The following LRRIQ3 variants were observed in gnomAD, a reference collection of about 807,000 sequenced individuals.
LRRIQ3 encodes the protein leucine rich repeats and IQ motif containing 3.
A neutral mutation model predicts 59.3 loss-of-function variants in LRRIQ3; 75 were observed. The observed-to-expected ratio is 1.26, with a 90% CI of 1.05 to 1.53. LRRIQ3 has a LOEUF of 1.53. LRRIQ3 is among the 40% of genes most tolerant of loss of function. The probability of loss-of-function intolerance (pLI) is 0.00; values close to 1 mark genes in which losing one functional copy is unlikely to be tolerated. For missense variants in LRRIQ3, 831 were observed against 710.0 expected (o/e 1.17, Z -1.94); for synonymous variants, 250 against 231.3 (o/e 1.08, Z -0.73).
chr1:74,044,824 C>T (rs746964970), intron 6 of LRRIQ3, among the ~76,000 whole-genome samples: 21 of 152,030 alleles, frequency 1.4e-4, no homozygotes, highest in Non-Finnish European at 2.2e-4. Context: ...TCAGAGAATA[C>T]GATAAACACC....
Position 74,183,659 on chromosome 1 carries a change from T to C in LRRIQ3, c.26A>G (p.Glu9Gly). 1 of 1,603,206 alleles carries C rather than the reference T, an allele frequency of 6.2e-7. No homozygotes were observed. The highest frequency in any genetic ancestry group is 8.5e-7 in the Non-Finnish European group (1 of 1,175,044). Residue 9 changes from glutamate (E) to glycine (G), a missense_variant, in exon 2 of 8, where the codon GAG (glutamate) becomes GGG (glycine). By Grantham distance (98) the Glu-to-Gly change is moderately conservative. Coordinates refer to ENST00000354431, the MANE Select transcript of LRRIQ3 (RefSeq NM_001105659.2). MFHGTVTE[E>G]LTSHEEWSHY... ...ACTCCATTCTTCATGACTGGTTAGC[T>C]CTTCTGTGACTGTTCCATGAAACAT...
chr1:74,124,898 T>C (rs1646913631), intron 4 of LRRIQ3, among the ~76,000 whole-genome samples: 1 of 151,914 alleles, frequency 6.6e-6, no homozygotes, highest in African/African-American at 2.4e-5. Context: ...CTGTGAAGAA[T>C]GTCATTGATA....
At chr1:74,157,017 C>G (rs1419825430) in intron 3 of LRRIQ3, among the ~76,000 whole-genome samples, 1 of 148,752 alleles carries the variant, frequency 6.7e-6, no homozygotes, top group Admixed American at 6.7e-5. Flanking sequence ...TTACAGGAAA[C>G]AAAAAAAAAA....
chr1:74,175,024 A>T (rs1649552876), intron 3 of LRRIQ3, among the ~76,000 whole-genome samples: 1 of 152,182 alleles, frequency 6.6e-6, no homozygotes, highest in African/African-American at 2.4e-5. Flanking sequence ...CATCTAAAAC[A>T]ATCTTCTCAT....
intron 7 of LRRIQ3, among the ~76,000 whole-genome samples, chr1:74,029,025 A>G (rs1653609179): frequency 6.6e-6 from 1 of 152,014 alleles, no homozygotes; most frequent in Non-Finnish European, 1.5e-5. Flanking sequence ...TAAGTAAAAT[A>G]ACTATTTAAA....
intron 3 of LRRIQ3, among the ~76,000 whole-genome samples, chr1:74,170,942 A>G (rs996655985): frequency 1.3e-5 from 2 of 152,050 alleles, no homozygotes; most frequent in Non-Finnish European, 2.9e-5. Flanking sequence ...ATTTTAAATG[A>G]GATTGCTTTC....
intron 1 of LRRIQ3, among the ~76,000 whole-genome samples, chr1:74,191,133 C>A (rs1650741450): frequency 1.3e-5 from 2 of 152,074 alleles, no homozygotes; most frequent in Admixed American, 1.3e-4. Context: ...AATTGAATGC[C>A]TAGTTCCATT....
intron 5 of LRRIQ3, among the ~76,000 whole-genome samples, chr1:74,087,643 T>G (rs573893649): frequency 6.6e-6 from 1 of 152,160 alleles, no homozygotes; most frequent in Admixed American, 6.6e-5. Context: ...AAACAATCTG[T>G]GTTGATATCT....
chr1:74,099,381 C>A (rs1468239146), intron 5 of LRRIQ3, among the ~76,000 whole-genome samples: 2 of 152,066 alleles, frequency 1.3e-5, no homozygotes, highest in Non-Finnish European at 2.9e-5. Flanking sequence ...CTGAATAGAC[C>A]AATAACAGGC....
chr1:74,136,308 A>G (rs946247519), intron 4 of LRRIQ3, among the ~76,000 whole-genome samples: 3 of 151,976 alleles, frequency 2.0e-5, no homozygotes, highest in African/African-American at 7.2e-5. Flanking sequence ...AACATTTAAG[A>G]TAGAAATAAT....
intron 5 of LRRIQ3, among the ~76,000 whole-genome samples, chr1:74,091,047 G>C (rs981668163): frequency 6.6e-6 from 1 of 152,094 alleles, no homozygotes; most frequent in African/African-American, 2.4e-5. Flanking sequence ...AGATGCTTTT[G>C]TTCTGATAAA....
intron 4 of LRRIQ3, among the ~76,000 whole-genome samples, chr1:74,142,068 T>A (rs973598328): frequency 6.6e-6 from 1 of 151,840 alleles, no homozygotes; most frequent in African/African-American, 2.4e-5. Flanking sequence ...TTGCATTGAT[T>A]CTGTATCTTG....
At chr1:74,190,678 G>A (rs1037374755) in intron 1 of LRRIQ3, among the ~76,000 whole-genome samples, 1 of 150,914 alleles carries the variant, frequency 6.6e-6, no homozygotes, top group Non-Finnish European at 1.5e-5. Context: ...TAGGATAAAT[G>A]TAAGAAAATA....
intron 7 of LRRIQ3, among the ~76,000 whole-genome samples, chr1:74,027,324 G>A (rs1653546523): frequency 6.6e-6 from 1 of 152,080 alleles, no homozygotes; most frequent in African/African-American, 2.4e-5. Context: ...ATATTCATAT[G>A]TCAAAGTCCT....
chr1:74,046,545 C>T (rs773777755), intron 6 of LRRIQ3, among the ~76,000 whole-genome samples: 33 of 152,122 alleles, frequency 2.2e-4, no homozygotes, highest in Non-Finnish European at 4.6e-4. Flanking sequence ...TGGGCAAAGG[C>T]TTCATGACTA....
intron 6 of LRRIQ3, among the ~76,000 whole-genome samples, chr1:74,058,437 G>A (rs1342327259): frequency 2.0e-5 from 3 of 151,792 alleles, no homozygotes; most frequent in Admixed American, 6.6e-5. Context: ...TGAGCTTGGA[G>A]AATGTTATAT....
Position 74,183,412 on chromosome 1 carries a change from A to G in LRRIQ3, c.249+24T>C, listed in dbSNP as rs1408241423. The stretch of plus-strand genomic sequence containing the variant: ...AGACTGAAATTTCGTTTATATGCAA[A>G]TATCTGAAATGGCTATTGCTTACCT... On this transcript the variant is annotated intron_variant, in intron 2 of 7. Coordinates refer to ENST00000354431, the MANE Select transcript of LRRIQ3 (RefSeq NM_001105659.2). 2.6e-6 allele frequency: 4 copies of G among 1,514,830 alleles called. No homozygotes were observed. The East Asian group carries it at 7.0e-5, about 27-fold the overall frequency. 93.8% of individuals were successfully genotyped at this position (1,514,830 alleles called of 1,614,324 possible). A position where few individuals can be genotyped will look rare whatever the true frequency, so the allele number is the denominator to read the frequency against.
At chr1:74,105,459 G>T (rs553929404) in intron 5 of LRRIQ3, among the ~76,000 whole-genome samples, 23 of 151,866 alleles carry the variant, frequency 1.5e-4, no homozygotes, top group African/African-American at 5.5e-4. Context: ...CACAATGTTT[G>T]CCAGGCTGGT....
chr1:74,196,903 T>C (rs528606025), intron 1 of LRRIQ3, among the ~76,000 whole-genome samples: 3 of 152,236 alleles, frequency 2.0e-5, no homozygotes, highest in African/African-American at 7.2e-5. Context: ...CTCCGAGTGA[T>C]CTCTTTAAAC....
Sources: gnomAD v4.1 joint callset for allele counts (sites outside exome capture counted in the v4.1 genomes callset) on GRCh38, gnomAD v4.1.1 for gene constraint, MANE v1.5 for transcripts, NCBI Gene and HGNC (gene_info 2026-07-23, HGNC 2026-07-21) for gene names.